The following KDELR1 variants were observed in gnomAD, a reference collection of about 807,000 sequenced individuals.
KDELR1 encodes ER lumen protein-retaining receptor 1.
A neutral mutation model predicts 25.5 loss-of-function variants in KDELR1; 16 were observed. The ratio of observed to expected loss-of-function variants is 0.63; its 90% CI spans 0.43 to 0.95. The LOEUF is 0.95. Among genes scored for constraint, KDELR1 ranks in the 40% least tolerant of loss-of-function variants. The pLI is 0.00. For missense variants in KDELR1, 159 were observed against 265.2 expected (o/e 0.60, Z 2.78); for synonymous variants, 121 against 115.0 (o/e 1.05, Z -0.33).
chr19:48,384,270 T>C lies in KDELR1; in HGVS notation c.564A>G (p.Thr188=). 7 of 1,614,172 alleles carry C rather than the reference T, an allele frequency of 4.3e-6. No individual in the cohort carries two copies. The highest frequency in any genetic ancestry group is 5.9e-6 in the Non-Finnish European group (7 of 1,180,024). Residue 188 remains threonine, a synonymous_variant, in exon 4 of 5, where the codon ACA becomes ACG. Coordinates refer to ENST00000330720, the MANE Select transcript of KDELR1 (RefSeq NM_006801.3). This position sits in a 1 kb window ranked among gnomAD's most constrained non-coding sequence, Gnocchi z 4.6. ...LIAIVAGLVQ[T]VLYCDFFYLY... is the part of the protein sequence containing the mutation. ...GGTAGAAGAAATCGCAGTAGAGGACTGTCTGGACCAGGCCTGCCACAATGG... is the reference window on the plus strand; with the variant it reads ...GGTAGAAGAAATCGCAGTAGAGGACCGTCTGGACCAGGCCTGCCACAATGG...
chr19:48,384,290 C>G lies in KDELR1; in HGVS notation c.544G>C (p.Val182Leu). Residue 182 changes from valine (V) to leucine (L), a missense_variant, in exon 4 of 5, where the codon GTG (valine) becomes CTG (leucine). Coordinates refer to ENST00000330720, the MANE Select transcript of KDELR1 (RefSeq NM_006801.3). This position sits in a 1 kb window ranked among gnomAD's most constrained non-coding sequence, Gnocchi z 4.6. ...FEGFFDLIAIVAGLVQTVLYC... is the reference protein window; with the variant it reads ...FEGFFDLIAILAGLVQTVLYC... ...AGGACTGTCTGGACCAGGCCTGCCACAATGGCGATGAGGTCGAAGAAGCCC... is the reference window on the plus strand; with the variant it reads ...AGGACTGTCTGGACCAGGCCTGCCAGAATGGCGATGAGGTCGAAGAAGCCC... 6.2e-7 allele frequency: 1 copy of G among 1,614,216 alleles called. No homozygotes were observed. The highest frequency in any genetic ancestry group is 8.5e-7 in the Non-Finnish European group (1 of 1,180,038).
Position 48,391,503 on chromosome 19 carries a change from G to A in KDELR1, c.-145C>T. 1 of 639,642 alleles carries A rather than the reference G, an allele frequency of 1.6e-6. No individual in the cohort carries two copies. The highest frequency in any genetic ancestry group is 2.7e-6 in the Non-Finnish European group (1 of 364,532). The allele number at this position is 639,642 out of a possible 1,614,324, so 39.6% of individuals were successfully genotyped here. A position where few individuals can be genotyped will look rare whatever the true frequency, so the allele number is the denominator to read the frequency against. ...CGCTCCGCTCCGGGGAGGGGACTTTGGGAGGGGGAGCAAAGGCTGGAGCTG... is the reference window on the plus strand; with the variant it reads ...CGCTCCGCTCCGGGGAGGGGACTTTAGGAGGGGGAGCAAAGGCTGGAGCTG... On this transcript the variant is annotated 5_prime_UTR_variant, in exon 1 of 5. Coordinates refer to ENST00000330720, the MANE Select transcript of KDELR1 (RefSeq NM_006801.3).
chr19:48,384,924 T>C lies in KDELR1; in HGVS notation c.352-442A>G, dbSNP rs1232962042. ...TTTTTTGAGATGGAGTATCACTCTG[T>C]CACCCAGGCTGGAGTGCCATGGGGT... On this transcript the variant is annotated intron_variant, in intron 3 of 4. Coordinates refer to ENST00000330720, the MANE Select transcript of KDELR1 (RefSeq NM_006801.3). This position sits in a 1 kb window ranked among gnomAD's most constrained non-coding sequence, Gnocchi z 4.6. Among the ~76,000 whole-genome samples the C allele has an allele frequency of 2.7e-5, 4 of 150,590 alleles. No individual in the cohort carries two copies. Among genetic ancestry groups the C allele is most frequent in the African/African-American group, 9.8e-5 (4 of 40,846 alleles).
chr19:48,394,786 C>A, upstream of KDELR1: 1 of 155,726 alleles, frequency 6.4e-6, no homozygotes, highest in South Asian at 1.8e-4. This position sits in a 1 kb window ranked among gnomAD's most constrained non-coding sequence, Gnocchi z 5.1. Context: ...TCCGGGCTGC[C>A]GCTGCTGCCG....
intron 3 of KDELR1, 92 bp downstream of exon 3, chr19:48,389,461 C>A (rs1368623263): frequency 2.7e-6 from 4 of 1,485,818 alleles, no homozygotes; most frequent in Admixed American, 1.8e-5. Flanking sequence ...TTTGGGCACA[C>A]CCTGCAGAAG....
chr19:48,386,208 G>A (rs1970496270), intron 3 of KDELR1, among the ~76,000 whole-genome samples: 2 of 150,586 alleles, frequency 1.3e-5, no homozygotes, highest in Admixed American at 6.6e-5. Context: ...TCCACCTCAC[G>A]GGTTCAAGTG....
rs1240846827 is a variant in KDELR1 at position 48,384,025 on chromosome 19, A to AAGGAGTTTCTGTCCTTAGGG, written c.604+204_604+205insCCCTAAGGACAGAAACTCCT. Among the ~76,000 whole-genome samples the AAGGAGTTTCTGTCCTTAGGG allele has an allele frequency of 6.6e-6, 1 of 152,168 alleles. No homozygotes were observed. The highest frequency in any genetic ancestry group is 2.4e-5 in the African/African-American group (1 of 41,432). ...CTACGCTCCAAGTGACATGGGGGCT[A>AAGGAGTTTCTGTCCTTAGGG]AGGACAGAAACTCCTTAGCCCTTAG... On this transcript the variant is annotated intron_variant, in intron 4 of 4. Transcript: ENST00000330720. The surrounding 1 kb of genome is among the most constrained non-coding windows in gnomAD (Gnocchi z 4.6).
chr19:48,393,608 G>A (rs1369734603), upstream of KDELR1, among the ~76,000 whole-genome samples: 1 of 152,152 alleles, frequency 6.6e-6, no homozygotes, highest in Non-Finnish European at 1.5e-5. The surrounding 1 kb of genome is among the most constrained non-coding windows in gnomAD (Gnocchi z 5.6). Flanking sequence ...CCCCAGGGAG[G>A]CCAGGAGGGG....
Position 48,384,609 on chromosome 19 carries a change from G to T in KDELR1, c.352-127C>A. Reference sequence around the variant, plus strand: ...GAAGGTGATCCAGGTGCTGCCAAGTGCCAGACACAGTTCTGCCCGAGTTAC... The same window carrying T: ...GAAGGTGATCCAGGTGCTGCCAAGTTCCAGACACAGTTCTGCCCGAGTTAC... On this transcript the variant is annotated intron_variant, in intron 3 of 4. Coordinates refer to ENST00000330720, the MANE Select transcript of KDELR1 (RefSeq NM_006801.3). This position sits in a 1 kb window ranked among gnomAD's most constrained non-coding sequence, Gnocchi z 4.6. 3 of 1,197,252 alleles carry T rather than the reference G, an allele frequency of 2.5e-6. No individual in the cohort carries two copies. The highest frequency in any genetic ancestry group is 3.5e-6 in the Non-Finnish European group (3 of 861,366). 74.2% of individuals were successfully genotyped at this position (1,197,252 alleles called of 1,614,324 possible).
chr19:48,388,778 A>AAGAAAGAAAGGAAAGAAAG (rs1569052698), intron 3 of KDELR1, among the ~76,000 whole-genome samples: 3 of 150,314 alleles, frequency 2.0e-5, no homozygotes, highest in African/African-American at 7.4e-5. Context: ...GAAAGGAAGA[A>AAGAAAGAAAGGAAAGAAAG]AGAAAGAAAG....
rs771440182 is a variant in KDELR1, at chr19:48,390,532, CCAGAGACAGAGAAA to C, written c.92-22_92-9del. The C allele has an allele frequency of 2.1e-5, 33 of 1,580,118 alleles. No homozygotes were observed. The South Asian group carries it at 3.4e-4, about 16-fold the overall frequency. ...GGCTCTTCCCTGAAATTCCTGTGGT[CCAGAGACAGAGAAA>C]GAGAGAGAGAGAGAGACAGAGAGAG... is the stretch of plus-strand genomic sequence containing the variant. On this transcript the variant is annotated splice_polypyrimidine_tract_variant and intron_variant, in intron 1 of 4. Transcript: ENST00000330720.
chr19:48,385,414 G>A (rs552313811), intron 3 of KDELR1, among the ~76,000 whole-genome samples: 128 of 152,314 alleles, frequency 8.4e-4, no homozygotes, highest in Middle Eastern at 3.4e-3. Flanking sequence ...TGAGGGCTGG[G>A]ATCCTACTTC....
upstream of KDELR1, among the ~76,000 whole-genome samples, chr19:48,395,273 C>T (rs1368699514): frequency 6.6e-6 from 1 of 151,578 alleles, no homozygotes; most frequent in Non-Finnish European, 1.5e-5. Context: ...CCCCTCCCTG[C>T]ATCAGTCCCC....
chr19:48,393,774 C>T (rs1333621518), upstream of KDELR1, among the ~76,000 whole-genome samples: 4 of 152,094 alleles, frequency 2.6e-5, no homozygotes, highest in African/African-American at 7.2e-5. The surrounding 1 kb of genome is among the most constrained non-coding windows in gnomAD (Gnocchi z 5.6). Flanking sequence ...CGCAGCCTCC[C>T]GCAGCCTCCC....
intron 3 of KDELR1, among the ~76,000 whole-genome samples, chr19:48,385,465 A>G (rs1232451647): frequency 6.6e-6 from 1 of 152,202 alleles, no homozygotes; most frequent in Non-Finnish European, 1.5e-5. Context: ...CAGTTCCTGA[A>G]TGAGTGAGGA....
At chr19:48,390,999 G>T (rs988586678) in intron 1 of KDELR1, 1 of 533,610 alleles carries the variant, frequency 1.9e-6, no homozygotes, top group African/African-American at 1.9e-5. Flanking sequence ...CCCTGTTCCC[G>T]GTCCATGAAC....
upstream of KDELR1, among the ~76,000 whole-genome samples, chr19:48,392,581 T>C (rs540355885): frequency 6.6e-6 from 1 of 152,324 alleles, no homozygotes; most frequent in African/African-American, 2.4e-5. Context: ...AGTTTCTCCC[T>C]TTACGACCCA....
chr19:48,391,159 G>A (rs1282219202), intron 1 of KDELR1, 109 bp downstream of exon 1: 2 of 896,952 alleles, frequency 2.2e-6, no homozygotes, highest in African/African-American at 1.7e-5. Context: ...GCAAGCAGTG[G>A]GGGTGGAACC....
At chr19:48,391,596 G>GC (rs1434881111), upstream of KDELR1, 7 of 520,526 alleles carry the variant, frequency 1.3e-5, no homozygotes, top group South Asian at 4.3e-5. Context: ...GAGAGGCTCC[G>GC]CCCCCGAGGG....
Sources: gnomAD v4.1 joint callset for allele counts (sites outside exome capture counted in the v4.1 genomes callset) on GRCh38, gnomAD v4.1.1 for gene constraint, Gnocchi (gnomAD v3.1) non-coding constraint, MANE v1.5 for transcripts, NCBI Gene and HGNC (gene_info 2026-07-23, HGNC 2026-07-21) for gene names.